The following FBXW4 variants were observed in gnomAD, a reference collection of about 807,000 sequenced individuals.
FBXW4 encodes the protein F-box and WD repeat domain containing 4.
FBXW4 carries 40 observed loss-of-function variants against 61.8 expected under a neutral mutation model. The ratio of observed to expected loss-of-function variants is 0.65; its 90% CI spans 0.50 to 0.84. The LOEUF (loss-of-function observed/expected upper bound fraction) is 0.84, where lower values mean the gene tolerates loss of function less well. Ranked by LOEUF, FBXW4 falls within the 40% of genes least tolerant of loss-of-function variation. The pLI is 0.00. For synonymous variants in FBXW4, 311 were observed against 313.8 expected, an observed-to-expected ratio of 0.99 and a Z score of 0.10; for missense variants, 672 against 753.8, an observed-to-expected ratio of 0.89 and a Z score of 1.27.
At chr10:101,624,079 T>C (rs3095791) in intron 6 of FBXW4, among the ~76,000 whole-genome samples, 25,783 of 144,418 alleles carry the variant, frequency 0.18, 2,536 homozygotes, top group Middle Eastern at 0.24. Flanking sequence ...TAGACACACA[T>C]AGACACAGAC....
In FBXW4 at chr10:101,610,903, C is replaced by T. The variant is rs2063774987; in HGVS notation, c.*388G>A. 1 of 156,478 alleles carries T rather than the reference C, an allele frequency of 6.4e-6. No individual in the cohort carries two copies. Among genetic ancestry groups the T allele is most frequent in the African/African-American group, 2.4e-5 (1 of 41,560 alleles). 9.7% of individuals were successfully genotyped at this position (156,478 alleles called of 1,614,324 possible). ...GCTATTGGCAGCCTCACCTTTCCTT[C>T]CAGGAAGGGGCAGAAAGGAACCATC... On this transcript the variant is annotated 3_prime_UTR_variant, in exon 9 of 9. Coordinates refer to ENST00000331272, the MANE Select transcript of FBXW4 (RefSeq NM_022039.4).
Position 101,612,408 on chromosome 10 carries a change from C to G in FBXW4, c.1371G>C (p.Glu457Asp). The stretch of plus-strand genomic sequence containing the variant: ...CACAGGACAGCAGTGTGAAAGGGGA[C>G]TCATACATGACATCCAGCACCCCAG... ...PGAGVLDVMY[E>D]SPFTLLSCGY... is the part of the protein sequence containing the mutation. The change falls in exon 7 of 9, where the codon GAG (glutamate) becomes GAC (aspartate). Residue 457 changes from glutamate to aspartate, a missense_variant. This residue lies in a region of FBXW4 where 312 missense variants were observed against 370.1 expected (regional missense o/e 0.84). Coordinates refer to ENST00000331272, the MANE Select transcript of FBXW4 (RefSeq NM_022039.4). 6.3e-7 allele frequency: 1 copy of G among 1,599,992 alleles called. No individual in the cohort carries two copies.
intron 5 of FBXW4, among the ~76,000 whole-genome samples, chr10:101,643,853 G>T (rs957221160): frequency 5.9e-5 from 9 of 151,946 alleles, no homozygotes; most frequent in East Asian, 3.9e-4. Context: ...GTAGGGAAGT[G>T]GGGGGGCCCA....
chr10:101,694,962 C>T lies in FBXW4; in HGVS notation c.144G>A (p.Gly48=), dbSNP rs2064661302. The T allele has an allele frequency of 1.7e-6, 2 of 1,209,384 alleles. No homozygotes were observed. Among genetic ancestry groups the T allele is most frequent in the Non-Finnish European group, 1.0e-6 (1 of 972,718 alleles). The allele number at this position is 1,209,384 out of a possible 1,614,324, so 74.9% of individuals were successfully genotyped here. A position where few individuals can be genotyped will look rare whatever the true frequency, so the allele number is the denominator to read the frequency against. Reference sequence around the variant, plus strand: ...CCGCCCCGCTTCCTCTTCCGCCTTGCCCCGCTCTCGCTTTTCCCTTCCCCT... The same window carrying T: ...CCGCCCCGCTTCCTCTTCCGCCTTGTCCCGCTCTCGCTTTTCCCTTCCCCT... The part of the protein sequence containing the change: ...KGKGKGKARA[G]QGGRGSGAEG... Residue 48 remains glycine, a synonymous_variant, in exon 1 of 9, where the codon GGG becomes GGA. Transcript: ENST00000331272. This position sits in a 1 kb window ranked among gnomAD's most constrained non-coding sequence, Gnocchi z 6.0.
intron 6 of FBXW4, 66 bp downstream of exon 6, chr10:101,624,679 G>A: frequency 1.3e-6 from 2 of 1,569,422 alleles, no homozygotes; most frequent in South Asian, 1.1e-5. Context: ...TGAGGCAGAG[G>A]CTGGCTCAGC....
chr10:101,620,926 A>T (rs2063862471), intron 6 of FBXW4, among the ~76,000 whole-genome samples: 1 of 152,170 alleles, frequency 6.6e-6, no homozygotes. Flanking sequence ...ATAAATCTGT[A>T]CCGAAGAGTA....
At chr10:101,682,245 C>T (rs910458856) in intron 1 of FBXW4, among the ~76,000 whole-genome samples, 1 of 152,090 alleles carries the variant, frequency 6.6e-6, no homozygotes, top group African/African-American at 2.4e-5. Context: ...TCAGGCTGAA[C>T]AATTAGGACT....
At chr10:101,687,537 C>T (rs555261477) in intron 1 of FBXW4, among the ~76,000 whole-genome samples, 6 of 152,308 alleles carry the variant, frequency 3.9e-5, no homozygotes, top group African/African-American at 1.4e-4. Flanking sequence ...TCTCCCCTAA[C>T]ATGTAACTAT....
intron 5 of FBXW4, among the ~76,000 whole-genome samples, chr10:101,641,336 T>C (rs1178775163): frequency 6.6e-6 from 1 of 152,194 alleles, no homozygotes; most frequent in Non-Finnish European, 1.5e-5. Context: ...TATTTTTCTC[T>C]TTATCTTTGA....
chr10:101,624,675 A>G, intron 6 of FBXW4, 70 bp downstream of exon 6: 1 of 1,548,224 alleles, frequency 6.5e-7, no homozygotes, highest in Non-Finnish European at 8.9e-7. Flanking sequence ...CAACTGAGGC[A>G]GAGGCTGGCT....
chr10:101,693,819 C>A lies in FBXW4; in HGVS notation c.725+562G>T, dbSNP rs948011860. 3.9e-5 allele frequency among the ~76,000 whole-genome samples: 6 copies of A among 152,190 alleles called. No individual in the cohort carries two copies. In the East Asian group the frequency reaches 1.2e-3, roughly 29 times the overall value. ...TCCAGCCTCCTGCCTCAAGCAGGCCCCCTTTTTCGTGTCGCTCTGCCTATA... is the reference window on the plus strand; with the variant it reads ...TCCAGCCTCCTGCCTCAAGCAGGCCACCTTTTTCGTGTCGCTCTGCCTATA... On this transcript the variant is annotated intron_variant, in intron 1 of 8. Coordinates refer to ENST00000331272, the MANE Select transcript of FBXW4 (RefSeq NM_022039.4).
chr10:101,662,692 G>A (rs2134877669), intron 5 of FBXW4, among the ~76,000 whole-genome samples: 1 of 152,124 alleles, frequency 6.6e-6, no homozygotes, highest in Non-Finnish European at 1.5e-5. Context: ...TTCTTGGAGG[G>A]CAATACATAT....
intron 5 of FBXW4, among the ~76,000 whole-genome samples, chr10:101,664,694 A>C (rs1287265464): frequency 1.3e-5 from 2 of 152,202 alleles, no homozygotes; most frequent in Admixed American, 1.3e-4. Context: ...CAGCAGTTGA[A>C]GCCACTAAGC....
chr10:101,637,219 T>C (rs1474263042), intron 5 of FBXW4, among the ~76,000 whole-genome samples: 1 of 129,910 alleles, frequency 7.7e-6, no homozygotes, highest in Admixed American at 7.8e-5. Flanking sequence ...CCATCTCTAC[T>C]AAAAATACAA....
At chr10:101,646,912 T>C (rs559549430) in intron 5 of FBXW4, among the ~76,000 whole-genome samples, 1 of 152,302 alleles carries the variant, frequency 6.6e-6, no homozygotes, top group African/African-American at 2.4e-5. Flanking sequence ...AGATTTAAAG[T>C]CCCAGTGGAG....
intron 5 of FBXW4, among the ~76,000 whole-genome samples, chr10:101,655,279 T>C (rs2064176071): frequency 6.6e-6 from 1 of 152,272 alleles, no homozygotes; most frequent in South Asian, 2.1e-4. Flanking sequence ...TAATGCAATT[T>C]AAAAACTCTA....
intron 5 of FBXW4, among the ~76,000 whole-genome samples, chr10:101,631,385 C>T (rs2063954900): frequency 6.6e-6 from 1 of 151,782 alleles, no homozygotes; most frequent in African/African-American, 2.4e-5. Flanking sequence ...ATAATACAAG[C>T]AAGAGACTTA....
chr10:101,646,424 T>TG (rs1352878054), intron 5 of FBXW4, among the ~76,000 whole-genome samples: 2 of 152,226 alleles, frequency 1.3e-5, no homozygotes, highest in African/African-American at 4.8e-5. Context: ...GGGGTCCCTG[T>TG]GCCAGAAGGC....
intron 5 of FBXW4, among the ~76,000 whole-genome samples, chr10:101,656,524 T>TAA (rs2064186703): frequency 1.3e-5 from 2 of 152,250 alleles, no homozygotes; most frequent in Admixed American, 1.3e-4. Flanking sequence ...GCATGTTCTT[T>TAA]AGCCCACATA....
Sources: allele counts gnomAD v4.1 joint callset (sites outside exome capture counted in the v4.1 genomes callset), GRCh38; gene constraint gnomAD v4.1.1; regional missense constraint gnomAD v4.1.1; non-coding constraint Gnocchi (gnomAD v3.1); transcripts MANE v1.5; gene names NCBI Gene and HGNC (gene_info 2026-07-23, HGNC 2026-07-21).